ZNF516: variants seen among roughly 807,000 people sequenced by gnomAD.
ZNF516 encodes the protein zinc finger protein 516.
In ZNF516, 19 loss-of-function variants were observed where a neutral mutation model predicts 79.7. The ratio of observed to expected loss-of-function variants is 0.24; its 90% CI spans 0.17 to 0.35. The LOEUF (loss-of-function observed/expected upper bound fraction) is 0.35, where lower values mean the gene tolerates loss of function less well. Ranked by LOEUF, ZNF516 falls within the 10% of genes least tolerant of loss-of-function variation. The pLI is 1.00. For synonymous variants in ZNF516, 877 were observed against 739.5 expected (o/e 1.19, Z -3.02); for missense variants, 1,678 against 1,679.5 (o/e 1.00, Z 0.02).
intron 1 of ZNF516, among the ~76,000 whole-genome samples, chr18:76,482,851 G>A (rs780020560): frequency 6.6e-6 from 1 of 152,134 alleles, no homozygotes; most frequent in Non-Finnish European, 1.5e-5. Flanking sequence ...CGGCCTACAG[G>A]ATGAAGTCCA....
chr18:76,391,138 C>G (rs1052329250), intron 3 of ZNF516, among the ~76,000 whole-genome samples: 3 of 151,982 alleles, frequency 2.0e-5, no homozygotes, highest in African/African-American at 7.3e-5. Flanking sequence ...AGGAGGGCTG[C>G]GAGATTTCGA....
At position 76,379,230 on chromosome 18, in the gene ZNF516, A is replaced by G. The variant is rs766807378; in HGVS notation, c.2884T>C (p.Phe962Leu). ...GCACTGTGCTTATTTGTGGGGGCAAAGCCAGCCCCCGCTGGGGGGACCCCA... is the reference window on the plus strand; with the variant it reads ...GCACTGTGCTTATTTGTGGGGGCAAGGCCAGCCCCCGCTGGGGGGACCCCA... Reference protein sequence around the residue: ...KFGVPPAGAGFAPTNKHSAPD... With the variant: ...KFGVPPAGAGLAPTNKHSAPD... The change falls in exon 4 of 7, where the codon TTT becomes CTT. Residue 962 changes from phenylalanine (F) to leucine (L), a missense_variant. This residue lies in a region of ZNF516 where 1,294 missense variants were observed against 1,248.3 expected (regional missense o/e 1.04). Coordinates refer to ENST00000443185, the MANE Select transcript of ZNF516 (RefSeq NM_014643.4). 6.2e-7 allele frequency: 1 copy of G among 1,612,640 alleles called. No individual in the cohort carries two copies. The highest frequency in any genetic ancestry group is 8.5e-7 in the Non-Finnish European group (1 of 1,179,726).
chr18:76,399,927 A>T (rs2075196213), intron 3 of ZNF516, among the ~76,000 whole-genome samples: 1 of 152,134 alleles, frequency 6.6e-6, no homozygotes, highest in Non-Finnish European at 1.5e-5. Context: ...CTGCTAAGAT[A>T]CCTGGCTCTT....
chr18:76,490,555 T>C (rs1915112672), intron 1 of ZNF516: 1 of 173,800 alleles, frequency 5.8e-6, no homozygotes, highest in Non-Finnish European at 1.1e-5. Context: ...AAGGTGGTTT[T>C]TAAAATAAGC....
intron 3 of ZNF516, among the ~76,000 whole-genome samples, chr18:76,425,347 G>C (rs943395538): frequency 6.6e-6 from 1 of 152,204 alleles, no homozygotes; most frequent in Non-Finnish European, 1.5e-5. Context: ...ATTGGCCACG[G>C]ATTTTTTCCA....
chr18:76,369,993 A>G (rs2074676687), intron 6 of ZNF516, among the ~76,000 whole-genome samples: 1 of 152,228 alleles, frequency 6.6e-6, no homozygotes, highest in African/African-American at 2.4e-5. Context: ...TGAGTCATGC[A>G]TGTACACAGG....
chr18:76,391,759 G>A (rs1454059475), intron 3 of ZNF516, among the ~76,000 whole-genome samples: 1 of 152,236 alleles, frequency 6.6e-6, no homozygotes, highest in Non-Finnish European at 1.5e-5. Context: ...CAGGCAACCA[G>A]GTGGAAAACT....
At position 76,478,067 on chromosome 18, in the gene ZNF516, C is replaced by T. The variant is rs550878536; in HGVS notation, c.-271-14926G>A. 6.3e-5 allele frequency among the ~76,000 whole-genome samples: 9 copies of T among 143,058 alleles called. No individual in the cohort carries two copies. The East Asian group carries it at 1.4e-3, about 23-fold the overall frequency. The allele number at this position is 143,058 out of a possible 152,430, so 93.9% of individuals were successfully genotyped here. Reference sequence around the variant, plus strand: ...GATCTCCTAAGTGAAAAGCCCCTAACTTAAAGTGTTTTTGTAAACTCTGGT... The same window carrying T: ...GATCTCCTAAGTGAAAAGCCCCTAATTTAAAGTGTTTTTGTAAACTCTGGT... On this transcript the variant is annotated intron_variant, in intron 1 of 6. Coordinates refer to ENST00000443185, the MANE Select transcript of ZNF516 (RefSeq NM_014643.4).
chr18:76,452,077 G>A (rs548757116), intron 2 of ZNF516, among the ~76,000 whole-genome samples: 2 of 152,226 alleles, frequency 1.3e-5, no homozygotes, highest in East Asian at 1.9e-4. Flanking sequence ...ATGAATAAAA[G>A]GCGACCAGAA....
At chr18:76,406,799 A>G (rs1353721415) in intron 3 of ZNF516, among the ~76,000 whole-genome samples, 2 of 152,166 alleles carry the variant, frequency 1.3e-5, no homozygotes, top group Admixed American at 6.5e-5. Flanking sequence ...GTCCCCACAG[A>G]ATCCACTGAC....
chr18:76,450,710 C>T (rs991843919), intron 2 of ZNF516, among the ~76,000 whole-genome samples: 6 of 152,132 alleles, frequency 3.9e-5, no homozygotes, highest in Non-Finnish European at 5.9e-5. Context: ...ATCAGCAACG[C>T]GGTGCAGGTT....
At chr18:76,426,042 A>G (rs1051278225) in intron 3 of ZNF516, among the ~76,000 whole-genome samples, 1 of 152,228 alleles carries the variant, frequency 6.6e-6, no homozygotes, top group Non-Finnish European at 1.5e-5. Flanking sequence ...AATTCAAGTA[A>G]CTTTTAGAGA....
chr18:76,360,647 ATAT>A lies in ZNF516; in HGVS notation c.*1848_*1850del, dbSNP rs1290933933. On this transcript the variant is annotated 3_prime_UTR_variant, in exon 7 of 7. Transcript: ENST00000443185. ...AAAAAATAAGTAAAAAAAAAAAAAA[ATAT>A]ATATATATATATATATATATATATA... 0.019 allele frequency: 1,167 copies of A among 61,580 alleles called. 19 individuals carry two copies. The highest frequency in any genetic ancestry group is 0.028 in the Non-Finnish European group (872 of 30,926). 3.8% of individuals were successfully genotyped at this position (61,580 alleles called of 1,614,324 possible).
At chr18:76,444,059 T>A (rs1911895347) in intron 2 of ZNF516, among the ~76,000 whole-genome samples, 1 of 152,114 alleles carries the variant, frequency 6.6e-6, no homozygotes, top group African/African-American at 2.4e-5. Context: ...GACGCATGAA[T>A]CAAAATGCTT....
chr18:76,463,558 G>T (rs1482651806), intron 1 of ZNF516, among the ~76,000 whole-genome samples: 1 of 152,252 alleles, frequency 6.6e-6, no homozygotes, highest in Non-Finnish European at 1.5e-5. Context: ...ACTGCCGACC[G>T]CCAGAAATGC....
chr18:76,474,311 A>G (rs1191466029), intron 1 of ZNF516, among the ~76,000 whole-genome samples: 1 of 152,326 alleles, frequency 6.6e-6, no homozygotes, highest in Non-Finnish European at 1.5e-5. Flanking sequence ...TAGAACATCA[A>G]ATGCCTCCAT....
At chr18:76,488,986 A>T (rs1252734722) in intron 1 of ZNF516, among the ~76,000 whole-genome samples, 1 of 152,264 alleles carries the variant, frequency 6.6e-6, no homozygotes, top group African/African-American at 2.4e-5. Context: ...TTAAACAAGC[A>T]TATTATACAG....
intron 2 of ZNF516, among the ~76,000 whole-genome samples, chr18:76,446,131 C>T (rs899436015): frequency 6.6e-6 from 1 of 152,020 alleles, no homozygotes; most frequent in Non-Finnish European, 1.5e-5. Context: ...CCTTCACGCC[C>T]TCAACTCGTC....
rs1396355374 is a variant in ZNF516 at position 76,371,464 on chromosome 18, T to G, written c.3364+3A>C. 3.7e-6 allele frequency: 6 copies of G among 1,605,000 alleles called. No homozygotes were observed. Among genetic ancestry groups the G allele is most frequent in the Non-Finnish European group, 5.1e-6 (6 of 1,179,280 alleles). The stretch of plus-strand genomic sequence containing the variant: ...TGGGGATAGCTGGGCGGGAGGGCGA[T>G]ACCTGAGTGTGCCCGCATGTGGGCC... On this transcript the variant is annotated splice_donor_region_variant and intron_variant, in intron 5 of 6. Transcript: ENST00000443185.
Sources: gnomAD v4.1 joint callset for allele counts (sites outside exome capture counted in the v4.1 genomes callset) on GRCh38, gnomAD v4.1.1 for gene constraint, gnomAD v4.1.1 regional missense constraint, MANE v1.5 for transcripts, NCBI Gene and HGNC (gene_info 2026-07-23, HGNC 2026-07-21) for gene names.